The following ADGRB3 variants were observed in gnomAD, a reference collection of about 807,000 sequenced individuals.
ADGRB3 encodes the protein brain-specific angiogenesis inhibitor 3.
Under a neutral mutation model 193.4 loss-of-function variants are expected in ADGRB3, and 37 were observed. The ratio of observed to expected loss-of-function variants is 0.19; its 90% CI spans 0.15 to 0.25. The LOEUF (loss-of-function observed/expected upper bound fraction) is 0.25. Ranked by LOEUF, ADGRB3 falls within the 10% of genes least tolerant of loss-of-function variation. The pLI, the probability that ADGRB3 is intolerant of heterozygous loss-of-function variation, is 1.00. For synonymous variants in ADGRB3, 690 were observed against 644.2 expected (o/e 1.07, Z -1.08); for missense variants, 1,637 against 1,852.9 (o/e 0.88, Z 2.14).
chr6:68,850,854 T>C (rs1294749463), intron 3 of ADGRB3, among the ~76,000 whole-genome samples: 2 of 152,076 alleles, frequency 1.3e-5, no homozygotes, highest in Non-Finnish European at 2.9e-5. Context: ...TCACTATTTC[T>C]GAATTATATA....
At chr6:69,364,412 G>A (rs573248600) in intron 29 of ADGRB3, among the ~76,000 whole-genome samples, 2 of 152,142 alleles carry the variant, frequency 1.3e-5, no homozygotes, top group African/African-American at 2.4e-5. Context: ...CCCCAACCCC[G>A]AAGTCAGTGC....
At chr6:68,901,804 T>C (rs1412725995) in intron 3 of ADGRB3, among the ~76,000 whole-genome samples, 1 of 151,986 alleles carries the variant, frequency 6.6e-6, no homozygotes, top group African/African-American at 2.4e-5. Context: ...GACATAACAA[T>C]GAATACTAGT....
intron 17 of ADGRB3, among the ~76,000 whole-genome samples, chr6:69,217,918 A>T (rs1765800831): frequency 6.6e-6 from 1 of 151,930 alleles, no homozygotes; most frequent in African/African-American, 2.4e-5. Context: ...AAAAAAAACT[A>T]AATGAGTATG....
intron 6 of ADGRB3, among the ~76,000 whole-genome samples, chr6:68,947,419 T>C (rs979904792): frequency 2.6e-5 from 4 of 152,118 alleles, no homozygotes; most frequent in African/African-American, 9.7e-5. Context: ...TAAATTTTCT[T>C]TTATTTCCTG....
At chr6:68,857,450 A>G (rs2150212648) in intron 3 of ADGRB3, among the ~76,000 whole-genome samples, 1 of 152,322 alleles carries the variant, frequency 6.6e-6, no homozygotes, top group East Asian at 1.9e-4. Flanking sequence ...AATGTAAGAC[A>G]TGGAGTCAAA....
At chr6:68,802,613 A>C (rs1767333730) in intron 3 of ADGRB3, among the ~76,000 whole-genome samples, 1 of 152,236 alleles carries the variant, frequency 6.6e-6, no homozygotes, top group Non-Finnish European at 1.5e-5. Context: ...ACAATTGGTC[A>C]GTTGAAATGC....
At chr6:69,248,649 G>C (rs980677608) in intron 20 of ADGRB3, among the ~76,000 whole-genome samples, 14 of 152,226 alleles carry the variant, frequency 9.2e-5, no homozygotes, top group Middle Eastern at 3.2e-3. Context: ...GCTGTCTGTT[G>C]AATCTATTCA....
At chr6:68,749,406 ATATG>A (rs1395909433) in intron 3 of ADGRB3, among the ~76,000 whole-genome samples, 172 of 101,116 alleles carry the variant, frequency 1.7e-3, no homozygotes, top group Admixed American at 2.8e-3. Context: ...ATATATATAT[ATATG>A]TGTGTGTGTG....
chr6:69,359,667 A>G (rs1019452438), intron 28 of ADGRB3, among the ~76,000 whole-genome samples: 1 of 151,904 alleles, frequency 6.6e-6, no homozygotes, highest in Non-Finnish European at 1.5e-5. Context: ...AAAATTGGAT[A>G]ATAATGGAAA....
intron 3 of ADGRB3, among the ~76,000 whole-genome samples, chr6:68,665,756 T>G (rs867217211): frequency 4.0e-5 from 6 of 151,892 alleles, no homozygotes; most frequent in African/African-American, 1.2e-4. Flanking sequence ...AATATACTAA[T>G]TAGGGAAATA....
At chr6:68,869,909 G>T (rs550774009) in intron 3 of ADGRB3, among the ~76,000 whole-genome samples, 1 of 152,160 alleles carries the variant, frequency 6.6e-6, no homozygotes, top group African/African-American at 2.4e-5. Flanking sequence ...CTCTCCAGTA[G>T]CTGGGATTAT....
intron 3 of ADGRB3, among the ~76,000 whole-genome samples, chr6:68,689,883 C>T (rs1765042619): frequency 6.6e-6 from 1 of 152,100 alleles, no homozygotes; most frequent in African/African-American, 2.4e-5. Context: ...TTCTTGACCC[C>T]AACATTTTCA....
chr6:68,777,490 G>A (rs545637621), intron 3 of ADGRB3, among the ~76,000 whole-genome samples: 4 of 151,928 alleles, frequency 2.6e-5, no homozygotes, highest in Admixed American at 6.6e-5. Flanking sequence ...CCATATTAAC[G>A]ACCAGTAATA....
chr6:69,317,454 A>G (rs1481125758), intron 20 of ADGRB3, among the ~76,000 whole-genome samples: 7 of 151,486 alleles, frequency 4.6e-5, no homozygotes, highest in Non-Finnish European at 8.9e-5. Context: ...CCCTGTGACA[A>G]TGCTGAGCTG....
intron 24 of ADGRB3, among the ~76,000 whole-genome samples, chr6:69,333,627 A>G (rs546638326): frequency 6.6e-6 from 1 of 151,634 alleles, no homozygotes; most frequent in African/African-American, 2.4e-5. Context: ...ATTATAATAT[A>G]TAAATATCTG....
chr6:69,248,508 C>T (rs904416065), intron 20 of ADGRB3, among the ~76,000 whole-genome samples: 3 of 152,122 alleles, frequency 2.0e-5, no homozygotes, highest in South Asian at 4.1e-4. Context: ...TGTCTCAGTA[C>T]GACATTGGAA....
At chr6:68,772,885 AAAAAAAAAAATATATATATATATAT>A (rs1358558919) in intron 3 of ADGRB3, among the ~76,000 whole-genome samples, 2 of 42,892 alleles carry the variant, frequency 4.7e-5, no homozygotes, top group Non-Finnish European at 8.0e-5. Context: ...AAACAAACAA[AAAAAAAAAAATATATATATATATAT>A]ATATATATAT....
At chr6:68,646,230 A>G (rs1471005566) in intron 3 of ADGRB3, among the ~76,000 whole-genome samples, 1 of 151,934 alleles carries the variant, frequency 6.6e-6, no homozygotes, top group Non-Finnish European at 1.5e-5. Context: ...TAATCCCAGC[A>G]CTTTGGGAGG....
At chr6:69,232,297 T>G (rs1460117989) in intron 17 of ADGRB3, 4 of 736,124 alleles carry the variant, frequency 5.4e-6, no homozygotes, top group Non-Finnish European at 7.9e-6. Flanking sequence ...TCTCTCTTCC[T>G]GTAGTGTAGT....
Sources: allele counts gnomAD v4.1 joint callset (sites outside exome capture counted in the v4.1 genomes callset), GRCh38; gene constraint gnomAD v4.1.1; transcripts MANE v1.5; gene names NCBI Gene and HGNC (gene_info 2026-07-23, HGNC 2026-07-21).